The following TBC1D4 variants were observed in gnomAD, a reference collection of about 807,000 sequenced individuals.
The protein encoded by TBC1D4 is TBC1 domain family member 4.
TBC1D4 carries 121 observed loss-of-function variants against 142.5 expected under a neutral mutation model. The ratio of observed to expected loss-of-function variants is 0.85; its 90% confidence interval spans 0.73 to 0.99. The LOEUF is 0.99. Among genes scored for constraint, TBC1D4 ranks in the 50% least tolerant of loss-of-function variants. TBC1D4 has a pLI of 0.00. For synonymous variants in TBC1D4, 630 were observed against 628.2 expected (o/e 1.00, Z -0.04); for missense variants, 1,475 against 1,606.6 (o/e 0.92, Z 1.40).
chr13:75,456,850 A>G (rs1489448219), intron 1 of TBC1D4, among the ~76,000 whole-genome samples: 1 of 151,810 alleles, frequency 6.6e-6, no homozygotes, highest in Non-Finnish European at 1.5e-5. Context: ...AAAAATGTCC[A>G]TAACACCTTT....
rs1321574250 is a variant in TBC1D4, at chr13:75,284,445, G to T, written c.*2347C>A. ...ATTCTCTTAAGGAACACAAAACATA[G>T]ATCTCCTGCATGCACAGTTCACAAT... On this transcript the variant is annotated 3_prime_UTR_variant, in exon 21 of 21. Coordinates refer to ENST00000377636, the MANE Select transcript of TBC1D4 (RefSeq NM_014832.5). Among the ~76,000 whole-genome samples, 1 of 152,162 alleles carries T rather than the reference G, an allele frequency of 6.6e-6. No individual in the cohort carries two copies. Among genetic ancestry groups the T allele is most frequent in the African/African-American group, 2.4e-5 (1 of 41,430 alleles).
chr13:75,437,429 G>T (rs997179098), intron 1 of TBC1D4, among the ~76,000 whole-genome samples: 1 of 151,948 alleles, frequency 6.6e-6, no homozygotes, highest in Non-Finnish European at 1.5e-5. Flanking sequence ...AATGTAACAT[G>T]TGAGTCAAGG....
At chr13:75,321,937 A>C (rs1878813560) in intron 11 of TBC1D4, among the ~76,000 whole-genome samples, 1 of 152,252 alleles carries the variant, frequency 6.6e-6, no homozygotes, top group African/African-American at 2.4e-5. Context: ...AGATAAAAGA[A>C]TATAGGCTGT....
intron 16 of TBC1D4, 69 bp from the exon 17 acceptor site, chr13:75,299,643 A>T (rs935475183): frequency 4.4e-6 from 7 of 1,582,978 alleles, no homozygotes; most frequent in Non-Finnish European, 4.3e-6. Context: ...GTGAAATTGC[A>T]ATTCAGTGAC....
chr13:75,448,305 T>C (rs1383023568), intron 1 of TBC1D4, among the ~76,000 whole-genome samples: 1 of 152,158 alleles, frequency 6.6e-6, no homozygotes, highest in African/African-American at 2.4e-5. Flanking sequence ...TTGTTTCCCA[T>C]GTTTTAAAAA....
chr13:75,306,664 A>T (rs1288220433), intron 14 of TBC1D4, among the ~76,000 whole-genome samples, 193 bp from the exon 15 acceptor site: 2 of 152,194 alleles, frequency 1.3e-5, no homozygotes, highest in African/African-American at 2.4e-5. Context: ...ATGTGAGAAA[A>T]AAAATGAGGA....
At chr13:75,416,276 C>A (rs189185563) in intron 1 of TBC1D4, among the ~76,000 whole-genome samples, 2 of 152,304 alleles carry the variant, frequency 1.3e-5, no homozygotes, top group Admixed American at 1.3e-4. Context: ...TCTGCAGTAT[C>A]TTTATAGCCT....
At chr13:75,402,021 C>G (rs1448433681) in intron 1 of TBC1D4, among the ~76,000 whole-genome samples, 2 of 151,892 alleles carry the variant, frequency 1.3e-5, no homozygotes, top group Non-Finnish European at 2.9e-5. Flanking sequence ...GATCTTGAGC[C>G]CTTCCTCCTG....
At position 75,336,930 on chromosome 13, in the gene TBC1D4, G is replaced by A. The variant is rs920707256; in HGVS notation, c.1722C>T (p.Ile574=). The A allele has an allele frequency of 6.2e-7, 1 of 1,613,546 alleles. No homozygotes were observed. The highest frequency in any genetic ancestry group is 8.5e-7 in the Non-Finnish European group (1 of 1,179,766). Residue 574 remains isoleucine, a synonymous_variant, in exon 8 of 21, where the codon ATC becomes ATT. Coordinates refer to ENST00000377636, the MANE Select transcript of TBC1D4 (RefSeq NM_014832.5). ...ATTGGTGCAATCTTACCCTTGAGAA[G>A]ATATTTTCCAGGGAGCTAGTTAAGG... ...KRSLTSSLEN[I]FSRGANRMRG...
At chr13:75,402,654 AACACACACACAC>A (rs56176942) in intron 1 of TBC1D4, among the ~76,000 whole-genome samples, 6,154 of 142,442 alleles carry the variant, frequency 0.043, 384 homozygotes, top group African/African-American at 0.14. Context: ...ATCCCTAGTA[AACACACACACAC>A]ACACACACAC....
intron 1 of TBC1D4, among the ~76,000 whole-genome samples, chr13:75,450,520 TG>T (rs1419250958): frequency 6.6e-6 from 1 of 152,218 alleles, no homozygotes; most frequent in East Asian, 1.9e-4. Flanking sequence ...AGGACGAAAT[TG>T]GTAACTTTGA....
At chr13:75,315,351 A>AATATATATAT (rs144293371) in intron 12 of TBC1D4, among the ~76,000 whole-genome samples, 2 of 142,312 alleles carry the variant, frequency 1.4e-5, no homozygotes, top group Admixed American at 7.1e-5. Context: ...CTGAATATTG[A>AATATATATAT]ATATATATAT....
At chr13:75,481,000 C>A (rs1888837440) in intron 1 of TBC1D4, among the ~76,000 whole-genome samples, 1 of 152,236 alleles carries the variant, frequency 6.6e-6, no homozygotes, top group Non-Finnish European at 1.5e-5. Context: ...GCCAGCTCCC[C>A]CTCCATCCCG....
intron 1 of TBC1D4, among the ~76,000 whole-genome samples, chr13:75,424,126 A>C (rs1266472199): frequency 6.6e-6 from 1 of 152,172 alleles, no homozygotes; most frequent in Non-Finnish European, 1.5e-5. Flanking sequence ...TCAAAAAACT[A>C]GCCAGGCATG....
intron 5 of TBC1D4, 97 bp downstream of exon 5, chr13:75,349,073 C>T: frequency 1.9e-6 from 3 of 1,578,850 alleles, no homozygotes; most frequent in South Asian, 1.1e-5. Flanking sequence ...TCTTGTTTCA[C>T]ATCGAAACAA....
chr13:75,408,511 T>C (rs1329843323), intron 1 of TBC1D4, among the ~76,000 whole-genome samples: 1 of 152,236 alleles, frequency 6.6e-6, no homozygotes, highest in African/African-American at 2.4e-5. Flanking sequence ...AGGCCTCTAG[T>C]GTAACCATCA....
intron 1 of TBC1D4, among the ~76,000 whole-genome samples, chr13:75,424,169 A>G (rs113131610): frequency 1.2e-3 from 175 of 151,672 alleles, no homozygotes; most frequent in African/African-American, 3.8e-3. Context: ...GTTACTCAGG[A>G]GGCTGAGGCA....
At chr13:75,468,960 T>C (rs1477362233) in intron 1 of TBC1D4, among the ~76,000 whole-genome samples, 1 of 152,152 alleles carries the variant, frequency 6.6e-6, no homozygotes, top group African/African-American at 2.4e-5. Context: ...AAATTAATTT[T>C]AAACGAGTTA....
At chr13:75,313,000 C>A (rs1877939735) in intron 12 of TBC1D4, 102 bp from the exon 13 acceptor site, 7 of 1,307,458 alleles carry the variant, frequency 5.4e-6, no homozygotes, top group Middle Eastern at 2.5e-4. Flanking sequence ...CTGTCACGGG[C>A]AAGCACAAGC....
Sources: allele counts gnomAD v4.1 joint callset (sites outside exome capture counted in the v4.1 genomes callset), GRCh38; gene constraint gnomAD v4.1.1; transcripts MANE v1.5; gene names NCBI Gene and HGNC (gene_info 2026-07-23, HGNC 2026-07-21).